ME1: variants seen among roughly 807,000 people sequenced by gnomAD.
The protein encoded by ME1 is malic enzyme 1.
ME1 carries 74 observed loss-of-function variants against 66.4 expected under a neutral mutation model. The ratio of observed to expected loss-of-function variants is 1.11; its 90% CI spans 0.92 to 1.35. ME1 has a LOEUF of 1.35. Among genes scored for constraint, ME1 ranks in the 40% most tolerant of loss-of-function variants. The pLI is 0.00. For synonymous variants in ME1, 251 were observed against 235.6 expected (o/e 1.07, Z -0.60); for missense variants, 750 against 694.1 (o/e 1.08, Z -0.90).
chr6:83,405,739 T>TTTTTG, intron 2 of ME1, among the ~76,000 whole-genome samples: 1 of 149,400 alleles, frequency 6.7e-6, no homozygotes, highest in African/African-American at 2.5e-5. Flanking sequence ...TTTTTTTTTT[T>TTTTTG]GAGACGGAGT....
chr6:83,265,848 G>A (rs1446819591), intron 6 of ME1, among the ~76,000 whole-genome samples: 1 of 152,162 alleles, frequency 6.6e-6, no homozygotes, highest in Non-Finnish European at 1.5e-5. Flanking sequence ...TTGCTTGATA[G>A]TTATATCTTG....
intron 6 of ME1, among the ~76,000 whole-genome samples, chr6:83,284,359 T>A (rs1167319055): frequency 6.6e-6 from 1 of 151,654 alleles, no homozygotes; most frequent in African/African-American, 2.4e-5. Flanking sequence ...CCAAAAAAAA[T>A]CAAGGAGGAG....
At chr6:83,225,784 T>C (rs1023898595) in intron 11 of ME1, among the ~76,000 whole-genome samples, 25 of 146,830 alleles carry the variant, frequency 1.7e-4, no homozygotes, top group African/African-American at 6.0e-4. Context: ...TGGAAAATTA[T>C]ATTTGAGAAA....
rs747746280 is a variant in ME1 at position 83,398,467 on chromosome 6, T to C, written c.262A>G (p.Arg88Gly). 5.0e-6 allele frequency: 8 copies of C among 1,584,252 alleles called. No individual in the cohort carries two copies. The highest frequency in any genetic ancestry group is 3.4e-5 in the South Asian group (3 of 87,404). Residue 88 changes from arginine to glycine, a missense_variant, in exon 3 of 14, where the codon AGA becomes GGA. By Grantham distance (125) the Arg-to-Gly change is moderately radical. Transcript: ENST00000369705. ...TTCTCAATGTCAGATGTCAGCACTC[T>C]ATAAAAGAGTTTTTCATTTCTATCT... is the stretch of plus-strand genomic sequence containing the variant. ...LQDRNEKLFY[R>G]VLTSDIEKFM...
At chr6:83,291,813 C>A (rs530709219) in intron 6 of ME1, among the ~76,000 whole-genome samples, 2 of 151,956 alleles carry the variant, frequency 1.3e-5, no homozygotes, top group African/African-American at 4.8e-5. Context: ...AGGTTTTGTT[C>A]GTTTCTTTTC....
intron 5 of ME1, among the ~76,000 whole-genome samples, chr6:83,329,258 C>T (rs1768360795): frequency 6.6e-6 from 1 of 152,104 alleles, no homozygotes; most frequent in South Asian, 2.1e-4. Context: ...ACATTAGCAC[C>T]TTGATGTATA....
At chr6:83,269,239 T>C (rs991413218) in intron 6 of ME1, among the ~76,000 whole-genome samples, 1 of 151,682 alleles carries the variant, frequency 6.6e-6, no homozygotes, top group African/African-American at 2.4e-5. Flanking sequence ...TCCTCTATCA[T>C]TTATGTTTGT....
At chr6:83,232,261 C>A (rs1299041234) in intron 9 of ME1, among the ~76,000 whole-genome samples, 4 of 152,166 alleles carry the variant, frequency 2.6e-5, no homozygotes. Flanking sequence ...CTCTTTGGAT[C>A]TGTGGACAGG....
chr6:83,234,909 T>C (rs1369095845), intron 9 of ME1, among the ~76,000 whole-genome samples: 1 of 152,210 alleles, frequency 6.6e-6, no homozygotes, highest in Non-Finnish European at 1.5e-5. Context: ...GTCTGTAAAG[T>C]GACTTATTCA....
chr6:83,320,682 T>C (rs1398213094), intron 5 of ME1, among the ~76,000 whole-genome samples: 1 of 152,180 alleles, frequency 6.6e-6, no homozygotes, highest in Admixed American at 6.5e-5. Flanking sequence ...TTAGAAAAAT[T>C]ACACAATTGA....
intron 6 of ME1, among the ~76,000 whole-genome samples, chr6:83,311,251 G>C (rs866357459): frequency 6.6e-6 from 1 of 152,290 alleles, no homozygotes. Context: ...CACAAGACCA[G>C]TATTTGTATT....
intron 6 of ME1, among the ~76,000 whole-genome samples, chr6:83,266,265 G>C (rs1337354206): frequency 1.3e-5 from 2 of 152,156 alleles, no homozygotes; most frequent in Non-Finnish European, 1.5e-5. Context: ...AACTTTGAAA[G>C]CCAATATCCA....
chr6:83,356,948 G>A (rs192268333), intron 3 of ME1, among the ~76,000 whole-genome samples: 2,132 of 151,890 alleles, frequency 0.014, 49 homozygotes, highest in African/African-American at 0.045. Context: ...TCATAATAAA[G>A]AGTAGTTCAA....
intron 5 of ME1, among the ~76,000 whole-genome samples, chr6:83,341,384 G>A (rs1236359769): frequency 6.6e-6 from 1 of 152,118 alleles, no homozygotes; most frequent in Non-Finnish European, 1.5e-5. Context: ...AGTTTTTTGA[G>A]TCTTAGCAAA....
chr6:83,317,046 T>A (rs1768049109), intron 5 of ME1, among the ~76,000 whole-genome samples: 1 of 152,194 alleles, frequency 6.6e-6, no homozygotes, highest in African/African-American at 2.4e-5. Flanking sequence ...TAATGAGATT[T>A]CCAGGCAGAA....
At chr6:83,393,625 G>C (rs1260038499) in intron 3 of ME1, among the ~76,000 whole-genome samples, 1 of 150,130 alleles carries the variant, frequency 6.7e-6, no homozygotes, top group Non-Finnish European at 1.5e-5. Context: ...AAAAAAACTT[G>C]TTGCTATTGA....
intron 3 of ME1, among the ~76,000 whole-genome samples, chr6:83,381,714 T>C (rs1014641075): frequency 2.0e-5 from 3 of 152,126 alleles, no homozygotes; most frequent in Non-Finnish European, 1.5e-5. Context: ...GAGGATCAAG[T>C]GCATTCAAAG....
chr6:83,304,148 T>A (rs1767781603), intron 6 of ME1, among the ~76,000 whole-genome samples: 1 of 152,150 alleles, frequency 6.6e-6, no homozygotes, highest in African/African-American at 2.4e-5. Flanking sequence ...TTTACCCCAA[T>A]TTACAGGCAA....
intron 12 of ME1, among the ~76,000 whole-genome samples, chr6:83,221,155 T>C (rs796607213): frequency 1.9e-5 from 2 of 106,074 alleles, no homozygotes; most frequent in African/African-American, 1.1e-4. Context: ...CGAGACTCCG[T>C]CTCAAAAAAA....
Sources: gnomAD v4.1 joint callset for allele counts (sites outside exome capture counted in the v4.1 genomes callset) on GRCh38, gnomAD v4.1.1 for gene constraint, MANE v1.5 for transcripts, NCBI Gene and HGNC (gene_info 2026-07-23, HGNC 2026-07-21) for gene names.